Variants in ZNF454 observed in about 807,000 individuals in gnomAD.
The protein encoded by ZNF454 is zinc finger protein 454.
Under a neutral mutation model 48.2 loss-of-function variants are expected in ZNF454, and 30 were observed. The ratio of observed to expected loss-of-function variants is 0.62; its 90% CI spans 0.47 to 0.84. ZNF454 has a LOEUF of 0.84. ZNF454 is among the 40% of genes least tolerant of loss of function. The pLI, the probability that ZNF454 is intolerant of heterozygous loss-of-function variation, is 0.00. For synonymous variants in ZNF454, 204 were observed against 211.4 expected, an observed-to-expected ratio of 0.97 and a Z score of 0.30; for missense variants, 510 against 623.1, an observed-to-expected ratio of 0.82 and a Z score of 1.93.
the ZNF454 span, chr5:178,978,637 C>G: frequency 1.3e-5 from 2 of 152,138 alleles, no homozygotes; most frequent in African/African-American, 2.4e-5. Context: ...AGCTCTCATC[C>G]CAGAGAGGAA....
At chr5:178,942,890 T>A in intron 2 of ZNF454, 66 bp downstream of exon 2, 2 of 1,555,960 alleles carry the variant, frequency 1.3e-6, no homozygotes, top group Admixed American at 1.8e-5. Flanking sequence ...GTTTGCTTCC[T>A]CAGACCGGGA....
At chr5:178,986,924 T>G in the ZNF454 span, 1 of 1,614,154 alleles carries the variant, frequency 6.2e-7, no homozygotes, top group Admixed American at 1.7e-5. Flanking sequence ...TACTGGAAGA[T>G]GTCGTACCGC....
chr5:178,974,300 TGTTGTG>T, the ZNF454 span, among the ~76,000 whole-genome samples: 4 of 143,998 alleles, frequency 2.8e-5, no homozygotes, highest in Non-Finnish European at 4.4e-5. Context: ...TTGTTGTGGT[TGTTGTG>T]GTTGTGGTTG....
chr5:178,983,696 CAG>C, the ZNF454 span: 1 of 356,606 alleles, frequency 2.8e-6, no homozygotes, highest in Non-Finnish European at 5.6e-6. Context: ...AAGGAGCACT[CAG>C]TGGGGAGGAG....
chr5:178,955,168 A>G (rs1759698374), intron 4 of ZNF454, among the ~76,000 whole-genome samples: 3 of 152,344 alleles, frequency 2.0e-5, no homozygotes, highest in Admixed American at 2.0e-4. Flanking sequence ...TCCATTCTGT[A>G]TTCCCACAGC....
At chr5:178,978,105 C>A in the ZNF454 span, among the ~76,000 whole-genome samples, 1 of 152,202 alleles carries the variant, frequency 6.6e-6, no homozygotes, top group Non-Finnish European at 1.5e-5. Context: ...CATACTACAG[C>A]AGTTTTTCCC....
intron 4 of ZNF454, among the ~76,000 whole-genome samples, chr5:178,962,513 G>A (rs578182865): frequency 1.3e-5 from 2 of 151,570 alleles, no homozygotes; most frequent in Non-Finnish European, 2.9e-5. Flanking sequence ...TTGATATCTT[G>A]TTAAAGACTA....
At chr5:178,983,563 C>A in the ZNF454 span, 1 of 474,806 alleles carries the variant, frequency 2.1e-6, no homozygotes. Flanking sequence ...ATTTACTGCG[C>A]CCCTTCAAGG....
intron 2 of ZNF454, among the ~76,000 whole-genome samples, chr5:178,943,088 CTT>C (rs1228513354): frequency 6.6e-6 from 1 of 152,206 alleles, no homozygotes; most frequent in African/African-American, 2.4e-5. Context: ...AACCTGTACT[CTT>C]TTCACTAGCA....
the ZNF454 span, chr5:178,985,603 T>A: frequency 5.7e-6 from 2 of 350,150 alleles, no homozygotes; most frequent in African/African-American, 2.2e-5. Context: ...CTCGGGAGGC[T>A]GAGGCAGGAG....
intron 2 of ZNF454, among the ~76,000 whole-genome samples, chr5:178,945,021 C>T (rs1198054698): frequency 2.2e-5 from 3 of 133,842 alleles, no homozygotes; most frequent in Middle Eastern, 4.6e-3. Flanking sequence ...CATGTGCACA[C>T]GTGTGCATGT....
intron 4 of ZNF454, among the ~76,000 whole-genome samples, chr5:178,953,199 A>G (rs1490976510): frequency 1.3e-5 from 2 of 149,464 alleles, no homozygotes; most frequent in African/African-American, 4.9e-5. Context: ...CCCTTCAGTG[A>G]CTCCTGCTTG....
the ZNF454 span, among the ~76,000 whole-genome samples, chr5:178,985,467 GC>G: frequency 1.3e-5 from 2 of 151,674 alleles, no homozygotes; most frequent in Admixed American, 6.6e-5. Flanking sequence ...ACTTTGGGAG[GC>G]CGAGGTGGGC....
At chr5:178,948,173 C>CCAGA (rs1052137303) in intron 4 of ZNF454, 1 of 152,100 alleles carries the variant, frequency 6.6e-6, no homozygotes, top group Non-Finnish European at 1.5e-5. Flanking sequence ...CCTCAGCCTC[C>CCAGA]CAGAGTGCTG....
Position 178,941,296 on chromosome 5 carries a change from G to C in ZNF454, c.-256G>C. On this transcript the variant is annotated 5_prime_UTR_variant, in exon 1 of 5. Transcript: ENST00000519564. The surrounding 1 kb of genome is among the most constrained non-coding windows in gnomAD (Gnocchi z 5.5). ...GAGGCTCCTCGAAGAGCGACACGGG[G>C]CTGACCAGGCACGGTGGTCAAAGCC... 2.3e-6 allele frequency: 1 copy of C among 438,314 alleles called. No individual in the cohort carries two copies. The highest frequency in any genetic ancestry group is 2.4e-5 in the Admixed American group (1 of 41,814). 27.2% of individuals were successfully genotyped at this position (438,314 alleles called of 1,614,324 possible). A position where few individuals can be genotyped will look rare whatever the true frequency, so the allele number is the denominator to read the frequency against.
the ZNF454 span, chr5:178,983,514 T>C: frequency 3.2e-6 from 2 of 616,536 alleles, no homozygotes; most frequent in African/African-American, 1.8e-5. Flanking sequence ...AAGGGGCAGC[T>C]TGGTGTCCTC....
At chr5:178,987,360 C>T in the ZNF454 span, 1 of 473,718 alleles carries the variant, frequency 2.1e-6, no homozygotes, top group Non-Finnish European at 4.2e-6. Flanking sequence ...GCTTGTACAG[C>T]CACGTTCACA....
At chr5:178,974,979 T>C in the ZNF454 span, among the ~76,000 whole-genome samples, 1 of 152,204 alleles carries the variant, frequency 6.6e-6, no homozygotes, top group Non-Finnish European at 1.5e-5. Flanking sequence ...TCTCTCTTCC[T>C]TTTTATTCTT....
Position 178,964,705 on chromosome 5 carries a change from C to T in ZNF454, c.301C>T (p.Pro101Ser), listed in dbSNP as rs1422845375. The stretch of plus-strand genomic sequence containing the variant: ...GAAATCTACTGTCAAGGCAGAGATT[C>T]CTGAAGAAGAATTGGATCAATGGAC... Reference protein sequence around the residue: ...SKKSTVKAEIPEEELDQWTIK... With the variant: ...SKKSTVKAEISEEELDQWTIK... The change falls in exon 5 of 5, where the codon CCT becomes TCT. Residue 101 changes from proline (P) to serine (S), a missense_variant. Coordinates refer to ENST00000519564, the MANE Select transcript of ZNF454 (RefSeq NM_001178089.3). 6.2e-7 allele frequency: 1 copy of T among 1,614,000 alleles called. No homozygotes were observed. The highest frequency in any genetic ancestry group is 2.2e-5 in the East Asian group (1 of 44,896).
Sources: gnomAD v4.1 joint callset for allele counts (sites outside exome capture counted in the v4.1 genomes callset) on GRCh38, gnomAD v4.1.1 for gene constraint, Gnocchi (gnomAD v3.1) non-coding constraint, MANE v1.5 for transcripts, NCBI Gene and HGNC (gene_info 2026-07-23, HGNC 2026-07-21) for gene names.